Variants in DLC1 observed in about 807,000 individuals in gnomAD.
DLC1 encodes rho GTPase-activating protein 7.
DLC1 carries 54 observed loss-of-function variants against 140.3 expected under a neutral mutation model. The ratio of observed to expected loss-of-function variants is 0.38; its 90% confidence interval spans 0.31 to 0.48. The LOEUF is 0.48. DLC1 is among the 20% of genes least tolerant of loss of function. The pLI, the probability that DLC1 is intolerant of heterozygous loss-of-function variation, is 0.96. For synonymous variants in DLC1, 986 were observed against 728.1 expected (o/e 1.35, Z -5.70); for missense variants, 2,536 against 1,907.0 (o/e 1.33, Z -6.14).
chr8:13,135,856 C>A (rs753620178), intron 5 of DLC1, among the ~76,000 whole-genome samples: 48 of 152,142 alleles, frequency 3.2e-4, no homozygotes, highest in Non-Finnish European at 5.3e-4. Context: ...GTCCCTGGAT[C>A]TTTTCTAATT....
chr8:13,427,241 G>T (rs1398377134), intron 2 of DLC1, among the ~76,000 whole-genome samples: 1 of 151,976 alleles, frequency 6.6e-6, no homozygotes, highest in African/African-American at 2.4e-5. Flanking sequence ...TCAATGCATT[G>T]CCCCATGCCT....
chr8:13,222,281 C>A (rs1828595825), intron 5 of DLC1, among the ~76,000 whole-genome samples: 2 of 152,020 alleles, frequency 1.3e-5, no homozygotes, highest in South Asian at 4.1e-4. Flanking sequence ...ATTTTCAATT[C>A]CTTCAGATTA....
chr8:13,414,076 C>A (rs961121100), intron 2 of DLC1, among the ~76,000 whole-genome samples: 1 of 152,054 alleles, frequency 6.6e-6, no homozygotes, highest in Non-Finnish European at 1.5e-5. Flanking sequence ...AAAGCTGACA[C>A]CACAAACACG....
intron 1 of DLC1, among the ~76,000 whole-genome samples, chr8:13,590,921 C>G (rs1316908116): frequency 6.6e-6 from 1 of 152,014 alleles, no homozygotes; most frequent in African/African-American, 2.4e-5. Flanking sequence ...AAAGGAATGA[C>G]AAAATCAAAA....
intron 4 of DLC1, among the ~76,000 whole-genome samples, chr8:13,324,572 C>CAAA (rs5889431): frequency 0.74 from 80,869 of 109,852 alleles, 30,523 homozygotes; most frequent in East Asian, 0.89. Flanking sequence ...GACTCCGTCT[C>CAAA]AAAAAAAAAA....
intron 5 of DLC1, among the ~76,000 whole-genome samples, chr8:13,146,969 A>G (rs1293446280): frequency 3.3e-5 from 5 of 152,224 alleles, no homozygotes; most frequent in Non-Finnish European, 7.3e-5. Flanking sequence ...GGGATGATCA[A>G]TCTAAATTTA....
chr8:13,518,922 AT>A (rs1802678620), upstream of DLC1, among the ~76,000 whole-genome samples: 1 of 152,038 alleles, frequency 6.6e-6, no homozygotes, highest in South Asian at 2.1e-4. Flanking sequence ...AGATTTTCTA[AT>A]TTATTTTTTC....
chr8:13,121,797 C>T (rs1198816060), intron 5 of DLC1, among the ~76,000 whole-genome samples: 2 of 152,134 alleles, frequency 1.3e-5, no homozygotes, highest in East Asian at 1.9e-4. Context: ...AGGCAATCCT[C>T]CTGCCTCGGC....
rs149472569 is a variant in DLC1, at chr8:13,100,124, G to A, written c.2213C>T (p.Thr738Met). ...CTGGCTGCTGCTGCTGCTGGTCTGC[G>A]TGGAGTTGGAAACGCTCCTCTTTCG... The part of the protein sequence containing the change: ...MVRKRSVSNS[T>M]QTSSSSSQSE... Residue 738 changes from threonine (T) to methionine (M), a missense_variant, in exon 9 of 18, where the codon ACG becomes ATG. Thr to Met is a moderately conservative substitution (Grantham distance 81). Coordinates refer to ENST00000276297, the MANE Select transcript of DLC1 (RefSeq NM_182643.3). 1.2e-3 allele frequency: 2,011 copies of A among 1,614,040 alleles called. 8 individuals carry two copies. The highest frequency in any genetic ancestry group is 1.5e-3 in the Middle Eastern group (9 of 6,062).
At chr8:13,155,132 C>CTT (rs34191257) in intron 5 of DLC1, among the ~76,000 whole-genome samples, 52 of 145,156 alleles carry the variant, frequency 3.6e-4, no homozygotes, top group Middle Eastern at 3.5e-3. Flanking sequence ...ACTTGCGCTG[C>CTT]TTTTTTTTTT....
At chr8:13,160,808 G>A (rs1223853175) in intron 5 of DLC1, among the ~76,000 whole-genome samples, 4 of 152,160 alleles carry the variant, frequency 2.6e-5, no homozygotes, top group African/African-American at 4.8e-5. Context: ...AGGTGGAGCC[G>A]GGCGTGGTGG....
At chr8:13,505,151 C>A (rs533366665) in intron 1 of DLC1, among the ~76,000 whole-genome samples, 10 of 152,198 alleles carry the variant, frequency 6.6e-5, no homozygotes, top group African/African-American at 2.4e-4. Context: ...TTATAGTATA[C>A]TCCATAAGCT....
intron 4 of DLC1, chr8:13,338,471 G>A (rs958827949): frequency 2.6e-5 from 4 of 152,102 alleles, no homozygotes; most frequent in Non-Finnish European, 4.4e-5. Context: ...TACAAAAAGA[G>A]AAACTCTCCT....
chr8:13,449,512 C>T (rs1244852833), intron 2 of DLC1, among the ~76,000 whole-genome samples: 2 of 152,064 alleles, frequency 1.3e-5, no homozygotes, highest in Admixed American at 6.5e-5. Flanking sequence ...GATTTAGGAA[C>T]CTGACACAGG....
intron 5 of DLC1, among the ~76,000 whole-genome samples, chr8:13,297,222 G>A (rs1831991067): frequency 8.7e-6 from 1 of 114,950 alleles, no homozygotes; most frequent in Non-Finnish European, 1.7e-5. Context: ...GAAGTTATGT[G>A]TGGGCATACC....
rs1818690753 is a variant in DLC1, at chr8:13,098,383, T to A, written c.3167+16A>T. The A allele has an allele frequency of 6.2e-7, 1 of 1,613,014 alleles. No homozygotes were observed. The highest frequency in any genetic ancestry group is 1.3e-5 in the African/African-American group (1 of 74,928). ...ATCATTTTCAACGACAGTTGACTGA[T>A]CATTTAAACTCTTACCAGCTAAAAC... On this transcript the variant is annotated intron_variant, in intron 10 of 17. Transcript: ENST00000276297.
chr8:13,468,997 T>C (rs527349360), intron 2 of DLC1, among the ~76,000 whole-genome samples: 21 of 151,868 alleles, frequency 1.4e-4, no homozygotes, highest in Non-Finnish European at 2.8e-4. Context: ...ATTTTTGTAA[T>C]TTTAGTGGAG....
chr8:13,492,187 G>C (rs914244113), intron 2 of DLC1, among the ~76,000 whole-genome samples: 8 of 151,766 alleles, frequency 5.3e-5, no homozygotes, highest in African/African-American at 1.9e-4. Context: ...GCTTATCTGA[G>C]GGTTCCACCT....
chr8:13,303,556 C>G (rs887725598), intron 5 of DLC1, among the ~76,000 whole-genome samples: 2 of 152,180 alleles, frequency 1.3e-5, no homozygotes, highest in African/African-American at 4.8e-5. Context: ...AATCCCAGCA[C>G]TTTGGGAGGC....
Sources: allele counts gnomAD v4.1 joint callset (sites outside exome capture counted in the v4.1 genomes callset), GRCh38; gene constraint gnomAD v4.1.1; transcripts MANE v1.5; gene names NCBI Gene and HGNC (gene_info 2026-07-23, HGNC 2026-07-21).